The following ADAM12 variants were observed in gnomAD, a reference collection of about 807,000 sequenced individuals.
ADAM12 encodes ADAM metallopeptidase domain 12.
ADAM12 carries 70 observed loss-of-function variants against 106.4 expected under a neutral mutation model. That is an observed-to-expected ratio of 0.66 (90% CI 0.54 to 0.80). The LOEUF (loss-of-function observed/expected upper bound fraction) is 0.80, where lower values mean the gene tolerates loss of function less well. ADAM12 is among the 30% of genes least tolerant of loss of function. The pLI is 0.00. For synonymous variants in ADAM12, 420 were observed against 433.5 expected (o/e 0.97, Z 0.39); for missense variants, 1,010 against 1,171.9 (o/e 0.86, Z 2.02).
At chr10:126,179,815 G>A (rs1341170861) in intron 3 of ADAM12, among the ~76,000 whole-genome samples, 1 of 152,074 alleles carries the variant, frequency 6.6e-6, no homozygotes, top group African/African-American at 2.4e-5. Flanking sequence ...TGCATGGCAT[G>A]CAAGGTTGAA....
chr10:126,135,651 A>G lies in ADAM12; in HGVS notation c.349T>C (p.Tyr117His), dbSNP rs201885694. The G allele has an allele frequency of 6.8e-6, 11 of 1,614,086 alleles. No homozygotes were observed. The East Asian group carries it at 2.5e-4, about 36-fold the overall frequency. ...SLARNYTGHC[Y>H]YHGHVRGYSD... ...TATCCCCGTACATGTCCATGGTAGTAACAGTGACCCTAAAGGGGAGGAGGA... is the reference window on the plus strand; with the variant it reads ...TATCCCCGTACATGTCCATGGTAGTGACAGTGACCCTAAAGGGGAGGAGGA... Residue 117 changes from tyrosine (Y) to histidine (H), a missense_variant, in exon 5 of 23, where the codon TAC (tyrosine) becomes CAC (histidine). Coordinates refer to ENST00000448723, the MANE Select transcript of ADAM12 (RefSeq NM_001288973.2).
chr10:126,059,711 T>C (rs1444652464), intron 14 of ADAM12, among the ~76,000 whole-genome samples: 1 of 152,186 alleles, frequency 6.6e-6, no homozygotes, highest in African/African-American at 2.4e-5. Flanking sequence ...TGGTGAGTGA[T>C]AAAATAGAAA....
At chr10:126,258,390 C>T (rs1327971997) in intron 3 of ADAM12, among the ~76,000 whole-genome samples, 2 of 82,800 alleles carry the variant, frequency 2.4e-5, no homozygotes, top group African/African-American at 6.8e-5. Flanking sequence ...TGCCTCCGTG[C>T]CCCACACGCC....
In ADAM12 at chr10:126,366,365, C is replaced by T. The variant is rs187856979; in HGVS notation, c.88+21693G>A. Among the ~76,000 whole-genome samples the T allele has an allele frequency of 1.6e-4, 24 of 152,164 alleles. 1 individual carries two copies. The highest frequency in any genetic ancestry group is 5.8e-4 in the East Asian group (3 of 5,172). ...CCTTTTAGGATGTCACAGCAGGATG[C>T]GTGATCCTTTCTATAACTCTCTAAG... On this transcript the variant is annotated intron_variant, in intron 1 of 22. Coordinates refer to ENST00000448723, the MANE Select transcript of ADAM12 (RefSeq NM_001288973.2).
chr10:126,041,271 A>G (rs1393838640), intron 18 of ADAM12: 9 of 948,714 alleles, frequency 9.5e-6, no homozygotes, highest in Non-Finnish European at 1.1e-5. Context: ...TGGCCAGGCC[A>G]GGGAGCAGTG....
intron 2 of ADAM12, among the ~76,000 whole-genome samples, chr10:126,318,707 G>C (rs1159377879): frequency 6.6e-6 from 1 of 152,124 alleles, no homozygotes; most frequent in Non-Finnish European, 1.5e-5. Context: ...ATAAATAAGA[G>C]TATTGGATTA....
intron 3 of ADAM12, among the ~76,000 whole-genome samples, chr10:126,236,312 G>A (rs1361979383): frequency 1.3e-5 from 2 of 152,180 alleles, no homozygotes; most frequent in Non-Finnish European, 2.9e-5. Context: ...TGTCTGGCTG[G>A]GGCCACTGGT....
chr10:126,033,553 T>C (rs11244778), intron 21 of ADAM12, among the ~76,000 whole-genome samples: 43,688 of 152,026 alleles, frequency 0.29, 6,778 homozygotes, highest in East Asian at 0.43. Flanking sequence ...CCTGCTATCT[T>C]GAGCCAAAAG....
chr10:126,179,697 T>C (rs906467946), intron 3 of ADAM12, among the ~76,000 whole-genome samples: 1 of 152,090 alleles, frequency 6.6e-6, no homozygotes, highest in East Asian at 1.9e-4. Context: ...GAAACCAACA[T>C]GGGTTAGACC....
At chr10:126,304,505 A>C (rs1288790154) in intron 2 of ADAM12, among the ~76,000 whole-genome samples, 1 of 152,110 alleles carries the variant, frequency 6.6e-6, no homozygotes, top group Non-Finnish European at 1.5e-5. Flanking sequence ...ACTTAACTAC[A>C]CGCTGTCAGC....
intron 1 of ADAM12, among the ~76,000 whole-genome samples, chr10:126,382,659 A>T (rs1856535796): frequency 6.6e-6 from 1 of 152,224 alleles, no homozygotes; most frequent in Non-Finnish European, 1.5e-5. Context: ...CAGAACTTCT[A>T]ATCAGCTCTT....
chr10:126,186,229 C>T (rs151064127), intron 3 of ADAM12, among the ~76,000 whole-genome samples: 62 of 152,222 alleles, frequency 4.1e-4, no homozygotes, highest in Non-Finnish European at 5.9e-4. Context: ...TTGTAATCCC[C>T]GCGGGGCAGA....
chr10:126,354,402 G>T (rs1286823178), intron 1 of ADAM12, among the ~76,000 whole-genome samples: 1 of 152,070 alleles, frequency 6.6e-6, no homozygotes, highest in Non-Finnish European at 1.5e-5. Context: ...GAAGTAGGGG[G>T]ATGAGAGGAT....
chr10:126,214,150 A>C (rs1176895384), intron 3 of ADAM12, among the ~76,000 whole-genome samples: 1 of 152,264 alleles, frequency 6.6e-6, no homozygotes, highest in Non-Finnish European at 1.5e-5. Context: ...CTGTGTGAGC[A>C]TTAAAACAAG....
At chr10:126,222,590 TG>T (rs976039968) in intron 3 of ADAM12, among the ~76,000 whole-genome samples, 2 of 151,662 alleles carry the variant, frequency 1.3e-5, no homozygotes, top group Non-Finnish European at 1.5e-5. Context: ...ACAGACTCAC[TG>T]GGGGTCCTTT....
chr10:126,119,911 G>C (rs1361231249), intron 5 of ADAM12, among the ~76,000 whole-genome samples: 1 of 152,148 alleles, frequency 6.6e-6, no homozygotes, highest in East Asian at 1.9e-4. Flanking sequence ...TAATTTAAAA[G>C]GTGCTTCCTG....
Position 126,046,085 on chromosome 10 carries a change from G to C in ADAM12, c.1965C>G (p.His655Gln). 6.2e-7 allele frequency: 1 copy of C among 1,614,126 alleles called. No homozygotes were observed. Among genetic ancestry groups the C allele is most frequent in the Non-Finnish European group, 8.5e-7 (1 of 1,180,006 alleles). Residue 655 changes from histidine to glutamine, a missense_variant, in exon 17 of 23, where the codon CAC (histidine) becomes CAG (glutamine). Transcript: ENST00000448723. ...QCQNISVFGV[H>Q]ECAMQCHGRG... ...TGCCGTGGCACTGCATTGCACACTC[G>C]TGAACCCCAAAGACACTAATATTTT... is the stretch of plus-strand genomic sequence containing the variant.
intron 1 of ADAM12, among the ~76,000 whole-genome samples, chr10:126,376,677 T>G (rs1217020898): frequency 1.3e-5 from 2 of 152,158 alleles, no homozygotes; most frequent in Non-Finnish European, 2.9e-5. Flanking sequence ...GAAGCCTTGA[T>G]GTCATGAGGA....
intron 2 of ADAM12, among the ~76,000 whole-genome samples, chr10:126,326,074 G>A (rs1854290158): frequency 6.6e-6 from 1 of 152,204 alleles, no homozygotes; most frequent in Admixed American, 6.5e-5. Flanking sequence ...GAAAGAAAGA[G>A]ACAGAGAACT....
Sources: gnomAD v4.1 joint callset for allele counts (sites outside exome capture counted in the v4.1 genomes callset) on GRCh38, gnomAD v4.1.1 for gene constraint, MANE v1.5 for transcripts, NCBI Gene and HGNC (gene_info 2026-07-23, HGNC 2026-07-21) for gene names.